Variants in DIP2B observed in about 807,000 individuals in gnomAD.
The protein encoded by DIP2B is DIP2 acetate--CoA ligase B (putative).
In DIP2B, 76 loss-of-function variants were observed where a neutral mutation model predicts 198.0. The ratio of observed to expected loss-of-function variants is 0.38; its 90% CI spans 0.32 to 0.46. DIP2B has a LOEUF of 0.46. DIP2B is among the 20% of genes least tolerant of loss of function. The pLI is 0.99. For missense variants in DIP2B, 1,559 were observed against 1,978.4 expected, an observed-to-expected ratio of 0.79 and a Z score of 4.02; for synonymous variants, 701 against 739.1, an observed-to-expected ratio of 0.95 and a Z score of 0.84.
chr12:50,693,043 G>A (rs1592130652), intron 14 of DIP2B, 30 bp downstream of exon 14: 1 of 1,594,014 alleles, frequency 6.3e-7, no homozygotes, highest in Non-Finnish European at 8.5e-7. Flanking sequence ...GGCCCTTAGT[G>A]TAAATTGTGC....
At chr12:50,585,392 G>T (rs59194948) in intron 1 of DIP2B, among the ~76,000 whole-genome samples, 9,662 of 152,268 alleles carry the variant, frequency 0.063, 729 homozygotes, top group East Asian at 0.36. Context: ...GATGAAGCGT[G>T]GGCTAAGGGG....
chr12:50,627,999 A>G (rs764774928), intron 2 of DIP2B, among the ~76,000 whole-genome samples: 1 of 152,134 alleles, frequency 6.6e-6, no homozygotes, highest in Non-Finnish European at 1.5e-5. Context: ...ATACTATCCA[A>G]TGGCACCAAG....
At chr12:50,535,335 G>T (rs1958253816) in intron 1 of DIP2B, among the ~76,000 whole-genome samples, 1 of 152,016 alleles carries the variant, frequency 6.6e-6, no homozygotes, top group South Asian at 2.1e-4. Context: ...GGAGGCCAAG[G>T]CAGGACGATT....
Position 50,714,550 on chromosome 12 carries a change from C to T in DIP2B, c.2805C>T (p.Pro935=). 6.2e-7 allele frequency: 1 copy of T among 1,614,100 alleles called. No individual in the cohort carries two copies. Among genetic ancestry groups the T allele is most frequent in the South Asian group, 1.1e-5 (1 of 91,082 alleles). The part of the protein sequence containing the change: ...SLHPCNILMC[P]HTCVTNLPKP... ...ATCCTTGCAACATCCTCATGTGCCCCCATACATGTGTGACAAACTTGCCAA... is the reference window on the plus strand; with the variant it reads ...ATCCTTGCAACATCCTCATGTGCCCTCATACATGTGTGACAAACTTGCCAA... Residue 935 remains proline (P), a synonymous_variant, in exon 23 of 38, where the codon CCC becomes CCT. Coordinates refer to ENST00000301180, the MANE Select transcript of DIP2B (RefSeq NM_173602.3).
At chr12:50,736,760 T>C (rs1012623399) in intron 34 of DIP2B, among the ~76,000 whole-genome samples, 6 of 152,240 alleles carry the variant, frequency 3.9e-5, no homozygotes, top group African/African-American at 1.4e-4. Flanking sequence ...ATCTGCAATT[T>C]CTCATCCCTT....
intron 19 of DIP2B, 45 bp from the exon 20 acceptor site, chr12:50,704,095 C>A (rs770716778): frequency 6.4e-7 from 1 of 1,572,022 alleles, no homozygotes; most frequent in Non-Finnish European, 8.7e-7. Context: ...CATATACTTT[C>A]TAAGAAAAAG....
At chr12:50,690,308 G>C (rs959361705) in intron 12 of DIP2B, among the ~76,000 whole-genome samples, 3 of 152,120 alleles carry the variant, frequency 2.0e-5, no homozygotes, top group Non-Finnish European at 1.5e-5. Context: ...GGGTGGTCTC[G>C]ATCTCCTGAC....
chr12:50,746,844 A>C lies in DIP2B; in HGVS notation c.*2005A>C, dbSNP rs1367803495. On this transcript the variant is annotated 3_prime_UTR_variant, in exon 38 of 38. Coordinates refer to ENST00000301180, the MANE Select transcript of DIP2B (RefSeq NM_173602.3). ...AATAAGTCTAGCTCTATAATCCCCAAGTTCTAAAAGTTATGGTTAGATGCT... is the reference window on the plus strand; with the variant it reads ...AATAAGTCTAGCTCTATAATCCCCACGTTCTAAAAGTTATGGTTAGATGCT... The C allele has an allele frequency of 6.6e-6, 1 of 152,230 alleles. No homozygotes were observed. The highest frequency in any genetic ancestry group is 2.4e-5 in the African/African-American group (1 of 41,452). 9.4% of individuals were successfully genotyped at this position (152,230 alleles called of 1,614,324 possible). A position where few individuals can be genotyped will look rare whatever the true frequency, so the allele number is the denominator to read the frequency against.
At position 50,612,675 on chromosome 12, in the gene DIP2B, C is replaced by T. The variant is rs911945870; in HGVS notation, c.101-13301C>T. The stretch of plus-strand genomic sequence containing the variant: ...AACTCTTGGCCTCAAGTGATCTGCC[C>T]GCCTCGGCCCGCCAAAGTCTTGGGA... On this transcript the variant is annotated intron_variant, in intron 1 of 37. Coordinates refer to ENST00000301180, the MANE Select transcript of DIP2B (RefSeq NM_173602.3). Among the ~76,000 whole-genome samples, 7 of 152,086 alleles carry T rather than the reference C, an allele frequency of 4.6e-5. No homozygotes were observed. In the East Asian group the frequency reaches 9.6e-4, roughly 21 times the overall value.
At chr12:50,567,771 G>A (rs1958578719) in intron 1 of DIP2B, among the ~76,000 whole-genome samples, 1 of 152,138 alleles carries the variant, frequency 6.6e-6, no homozygotes. Context: ...CAGATGATCT[G>A]CCCGCCTTGG....
At position 50,727,685 on chromosome 12, in the gene DIP2B, T is replaced by A; in HGVS notation, c.3401-18T>A. On this transcript the variant is annotated intron_variant, in intron 28 of 37. Transcript: ENST00000301180. ...CCAGCATGTTGGATTGACATCAGGTTTTTTCTTTTCATGGCAGATGATTTA... is the reference window on the plus strand; with the variant it reads ...CCAGCATGTTGGATTGACATCAGGTATTTTCTTTTCATGGCAGATGATTTA... 1 of 1,608,350 alleles carries A rather than the reference T, an allele frequency of 6.2e-7. No homozygotes were observed. Among genetic ancestry groups the A allele is most frequent in the South Asian group, 1.1e-5 (1 of 90,762 alleles).
intron 4 of DIP2B, among the ~76,000 whole-genome samples, chr12:50,665,072 C>T (rs1938727053): frequency 6.6e-6 from 1 of 151,826 alleles, no homozygotes; most frequent in Non-Finnish European, 1.5e-5. Context: ...TCAAGCTGGC[C>T]TCAAACTCCT....
chr12:50,698,345 C>A lies in DIP2B; in HGVS notation c.2066C>A (p.Ala689Asp). 6.2e-7 allele frequency: 1 copy of A among 1,612,716 alleles called. No individual in the cohort carries two copies. Among genetic ancestry groups the A allele is most frequent in the South Asian group, 1.1e-5 (1 of 90,748 alleles). Residue 689 changes from alanine to aspartate, a missense_variant, in exon 18 of 38, where the codon GCC (alanine) becomes GAC (aspartate). Transcript: ENST00000301180. ...CTTTTCAGGCCTGGAGTTCCAGGAGCCCCTTTGCCAGGAAGAGCCATTCTC... is the reference window on the plus strand; with the variant it reads ...CTTTTCAGGCCTGGAGTTCCAGGAGACCCTTTGCCAGGAAGAGCCATTCTC... ...VAIRRPGVPG[A>D]PLPGRAILSM...
At chr12:50,592,158 C>T (rs1024971792) in intron 1 of DIP2B, among the ~76,000 whole-genome samples, 2 of 151,916 alleles carry the variant, frequency 1.3e-5, no homozygotes, top group African/African-American at 2.4e-5. Flanking sequence ...GGATGACAGG[C>T]GTGAGCCACT....
chr12:50,686,609 A>G lies in DIP2B; in HGVS notation c.1478A>G (p.Lys493Arg). ...CTCAAATGGGTTGTAACAGATTCCA[A>G]GTACCTTTCAAAGCCACCGAAAGAC... The part of the protein sequence containing the change: ...PRLKWVVTDS[K>R]YLSKPPKDWQ... Residue 493 changes from lysine (K) to arginine (R), a missense_variant, in exon 12 of 38, where the codon AAG (lysine) becomes AGG (arginine). Lys to Arg is a conservative substitution (Grantham distance 26). Coordinates refer to ENST00000301180, the MANE Select transcript of DIP2B (RefSeq NM_173602.3). 9 of 1,614,122 alleles carry G rather than the reference A, an allele frequency of 5.6e-6. No homozygotes were observed. Among genetic ancestry groups the G allele is most frequent in the African/African-American group, 2.7e-5 (2 of 75,030 alleles).
intron 1 of DIP2B, among the ~76,000 whole-genome samples, chr12:50,562,515 G>A (rs745811342): frequency 1.3e-5 from 2 of 152,008 alleles, no homozygotes; most frequent in Non-Finnish European, 2.9e-5. Flanking sequence ...GCAGTGGATT[G>A]CTTGAGCCCA....
At chr12:50,684,162 C>T (rs899120899) in intron 10 of DIP2B, among the ~76,000 whole-genome samples, 3 of 152,158 alleles carry the variant, frequency 2.0e-5, no homozygotes, top group African/African-American at 7.2e-5. Flanking sequence ...ACTTTCAACA[C>T]TGATCATTTA....
At chr12:50,728,165 G>A (rs1939970479) in intron 29 of DIP2B, among the ~76,000 whole-genome samples, 1 of 152,206 alleles carries the variant, frequency 6.6e-6, no homozygotes, top group African/African-American at 2.4e-5. Context: ...CAGATCACCT[G>A]AGGTCAGGAG....
intron 2 of DIP2B, among the ~76,000 whole-genome samples, chr12:50,629,014 G>A (rs1446771429): frequency 6.6e-6 from 1 of 152,136 alleles, no homozygotes. Flanking sequence ...AAGTAGCTGG[G>A]ACTACAGGCA....
Sources: allele counts gnomAD v4.1 joint callset (sites outside exome capture counted in the v4.1 genomes callset), GRCh38; gene constraint gnomAD v4.1.1; transcripts MANE v1.5; gene names NCBI Gene and HGNC (gene_info 2026-07-23, HGNC 2026-07-21).